LSM3: variants seen among roughly 807,000 people sequenced by gnomAD.
LSM3 encodes the protein LSM3 homolog, U6 small nuclear RNA and mRNA degradation associated.
Under a neutral mutation model 15.4 loss-of-function variants are expected in LSM3, and 14 were observed. That is an observed-to-expected ratio of 0.91 (90% CI 0.60 to 1.42). The LOEUF (loss-of-function observed/expected upper bound fraction) is 1.42. Among genes scored for constraint, LSM3 ranks in the 40% most tolerant of loss-of-function variants. The pLI is 0.00. For missense variants in LSM3, 88 were observed against 127.9 expected (o/e 0.69, Z 1.50); for synonymous variants, 46 against 45.1 (o/e 1.02, Z -0.08).
chr3:14,180,857 T>TTTTTA (rs1559390244), intron 1 of LSM3, among the ~76,000 whole-genome samples: 1 of 64,832 alleles, frequency 1.5e-5, no homozygotes, highest in East Asian at 4.0e-4. Flanking sequence ...TTTTTTTTTT[T>TTTTTA]AAAAAAAAAA....
At chr3:14,191,124 G>A (rs1346267234) in intron 3 of LSM3, among the ~76,000 whole-genome samples, 1 of 152,158 alleles carries the variant, frequency 6.6e-6, no homozygotes, top group Non-Finnish European at 1.5e-5. Flanking sequence ...TGCATCCCAG[G>A]GATGAAGCTG....
At chr3:14,195,342 G>T (rs537308649) in intron 3 of LSM3, among the ~76,000 whole-genome samples, 1 of 152,212 alleles carries the variant, frequency 6.6e-6, no homozygotes, top group South Asian at 2.1e-4. Flanking sequence ...AGAATTGTGT[G>T]CCCAGGAAGG....
intron 3 of LSM3, among the ~76,000 whole-genome samples, chr3:14,193,083 T>C (rs887865110): frequency 6.6e-6 from 1 of 152,236 alleles, no homozygotes; most frequent in Non-Finnish European, 1.5e-5. Context: ...ATTCTTTTTT[T>C]CAAGAACGTT....
chr3:14,194,827 C>T (rs1260901079), intron 3 of LSM3, among the ~76,000 whole-genome samples: 4 of 125,616 alleles, frequency 3.2e-5, no homozygotes, highest in African/African-American at 5.9e-5. Flanking sequence ...TAAGTTTACA[C>T]ACTGAACTCC....
chr3:14,178,990 C>T, intron 1 of LSM3, 109 bp downstream of exon 1: 1 of 1,195,168 alleles, frequency 8.4e-7, no homozygotes, highest in Non-Finnish European at 1.2e-6. Flanking sequence ...GTCACCATGG[C>T]CTAATCCACC....
chr3:14,197,995 C>T, intron 3 of LSM3, 41 bp from the exon 4 acceptor site: 2 of 1,483,370 alleles, frequency 1.3e-6, no homozygotes, highest in Non-Finnish European at 1.9e-6. Flanking sequence ...AGCAGTAATA[C>T]ACAGTTGTAC....
In LSM3 at chr3:14,183,934, T is replaced by G. The variant is rs573247212; in HGVS notation, c.133-3T>G. 510 of 1,598,814 alleles carry G rather than the reference T, an allele frequency of 3.2e-4. 7 individuals carry two copies. In the South Asian group the frequency reaches 5.6e-3, roughly 17 times the overall value. ...TTCTTGGTTCTGTACCCTCCCACTT[T>G]AGGCTTATGATCAACATTTAAATAT... is the stretch of plus-strand genomic sequence containing the variant. On this transcript the variant is annotated splice_region_variant and splice_polypyrimidine_tract_variant and intron_variant, in intron 2 of 3. Coordinates refer to ENST00000306024, the MANE Select transcript of LSM3 (RefSeq NM_014463.3).
chr3:14,194,355 T>G (rs1559393230), intron 3 of LSM3, among the ~76,000 whole-genome samples: 1 of 152,254 alleles, frequency 6.6e-6, no homozygotes, highest in Non-Finnish European at 1.5e-5. Flanking sequence ...AGCCCCTGAC[T>G]GGGGCTGCTG....
At chr3:14,197,397 C>T (rs1426866102) in intron 3 of LSM3, among the ~76,000 whole-genome samples, 3 of 152,248 alleles carry the variant, frequency 2.0e-5, no homozygotes, top group Non-Finnish European at 2.9e-5. Flanking sequence ...ATTAGGATTT[C>T]GAACATTCAT....
At chr3:14,184,251 G>A (rs1697065740) in intron 3 of LSM3, among the ~76,000 whole-genome samples, 1 of 152,132 alleles carries the variant, frequency 6.6e-6, no homozygotes, top group South Asian at 2.1e-4. Context: ...AGGGAATTAA[G>A]TTAGCTGAGT....
chr3:14,197,937 T>C, intron 3 of LSM3, 99 bp from the exon 4 acceptor site: 4 of 1,012,462 alleles, frequency 4.0e-6, no homozygotes, highest in Non-Finnish European at 6.1e-6. Flanking sequence ...ATCCAATTTT[T>C]TTGTGTCATG....
chr3:14,183,120 G>A (rs1254657847), intron 2 of LSM3, among the ~76,000 whole-genome samples: 1 of 152,198 alleles, frequency 6.6e-6, no homozygotes, highest in Non-Finnish European at 1.5e-5. Context: ...TATCCTAAAT[G>A]GCCCCAACTT....
chr3:14,198,011 T>C, intron 3 of LSM3, 25 bp from the exon 4 acceptor site: 1 of 1,574,518 alleles, frequency 6.4e-7, no homozygotes, highest in Non-Finnish European at 8.7e-7. Flanking sequence ...TGTACAAATA[T>C]GTTCTGTTTT....
At position 14,198,430 on chromosome 3, in the gene LSM3, A is replaced by AT. The variant is rs1697205337; in HGVS notation, c.*321dup. ...TCTTTAAATTGGTGTTTCCTTGTAG[A>AT]TTTTTTTAAGTGCGGTCTTCTGTCT... On this transcript the variant is annotated 3_prime_UTR_variant, in exon 4 of 4. Transcript: ENST00000306024. The AT allele has an allele frequency of 6.1e-6, 2 of 325,736 alleles. No individual in the cohort carries two copies. Among genetic ancestry groups the AT allele is most frequent in the South Asian group, 4.9e-5 (1 of 20,314 alleles). 20.2% of individuals were successfully genotyped at this position (325,736 alleles called of 1,614,324 possible).
At position 14,198,131 on chromosome 3, in the gene LSM3, C is replaced by G. The variant is rs1697202870; in HGVS notation, c.*15C>G. 3 of 1,605,194 alleles carry G rather than the reference C, an allele frequency of 1.9e-6. No homozygotes were observed. Among genetic ancestry groups the G allele is most frequent in the Non-Finnish European group, 2.6e-6 (3 of 1,173,030 alleles). On this transcript the variant is annotated 3_prime_UTR_variant, in exon 4 of 4. Coordinates refer to ENST00000306024, the MANE Select transcript of LSM3 (RefSeq NM_014463.3). Reference sequence around the variant, plus strand: ...GAGTTGGCTGAAACAAAGAATTTGTCCTGTATGGAAAACGGGAGACTTTGT... The same window carrying G: ...GAGTTGGCTGAAACAAAGAATTTGTGCTGTATGGAAAACGGGAGACTTTGT...
At chr3:14,196,038 C>T (rs932822983) in intron 3 of LSM3, among the ~76,000 whole-genome samples, 6 of 151,768 alleles carry the variant, frequency 4.0e-5, no homozygotes, top group Admixed American at 6.6e-5. Context: ...CTGCAAGCTC[C>T]GCCTCCCAGG....
At chr3:14,194,387 G>T (rs1480227681) in intron 3 of LSM3, among the ~76,000 whole-genome samples, 2 of 152,214 alleles carry the variant, frequency 1.3e-5, no homozygotes, top group East Asian at 3.8e-4. Flanking sequence ...GAGATGCCCT[G>T]TCCAGAGAGG....
At chr3:14,192,068 A>C (rs1421445554) in intron 3 of LSM3, among the ~76,000 whole-genome samples, 1 of 152,172 alleles carries the variant, frequency 6.6e-6, no homozygotes, top group Non-Finnish European at 1.5e-5. Flanking sequence ...CAGGTTGTTC[A>C]GTTTCCATGT....
At chr3:14,192,188 G>A (rs1176086615) in intron 3 of LSM3, among the ~76,000 whole-genome samples, 2 of 152,160 alleles carry the variant, frequency 1.3e-5, no homozygotes, top group Non-Finnish European at 1.5e-5. Context: ...GCTGAGGAGT[G>A]TTTTACTTCC....
Sources: gnomAD v4.1 joint callset for allele counts (sites outside exome capture counted in the v4.1 genomes callset) on GRCh38, gnomAD v4.1.1 for gene constraint, MANE v1.5 for transcripts, NCBI Gene and HGNC (gene_info 2026-07-23, HGNC 2026-07-21) for gene names.